Variants in GJC1 observed in about 807,000 individuals in gnomAD.
GJC1 encodes gap junction gamma-1 protein.
In GJC1, 5 loss-of-function variants were observed where a neutral mutation model predicts 29.3. The ratio of observed to expected loss-of-function variants is 0.17; its 90% CI spans 0.09 to 0.36. The LOEUF is 0.36. Ranked by LOEUF, GJC1 falls within the 10% of genes least tolerant of loss-of-function variation. The pLI is 1.00. For synonymous variants in GJC1, 177 were observed against 183.3 expected (o/e 0.97, Z 0.28); for missense variants, 310 against 496.2 (o/e 0.62, Z 3.56).
At chr17:44,798,226 C>G (rs564323941), downstream of GJC1, among the ~76,000 whole-genome samples, 13 of 152,266 alleles carry the variant, frequency 8.5e-5, no homozygotes, top group South Asian at 2.3e-3. Context: ...TCTTTTAAGC[C>G]CAAACCTTTA....
At chr17:44,808,031 A>G (rs2049931594) in intron 1 of GJC1, 1 of 152,266 alleles carries the variant, frequency 6.6e-6, no homozygotes, top group African/African-American at 2.4e-5. Context: ...TCTGTACTGG[A>G]TTAAACAGCA....
intron 1 of GJC1, among the ~76,000 whole-genome samples, chr17:44,811,446 C>T (rs1415014158): frequency 2.7e-5 from 4 of 147,976 alleles, no homozygotes; most frequent in Non-Finnish European, 4.5e-5. Flanking sequence ...TGGAGTGCAG[C>T]GGCACCTGGG....
Position 44,825,265 on chromosome 17 carries a change from C to T in GJC1, c.-97+4797G>A, listed in dbSNP as rs145707964. The stretch of plus-strand genomic sequence containing the variant: ...CTGTAATCCCAGCACTTTGGGAGAC[C>T]GAGGCAGGTGGATCACCTGAGGTCA... On this transcript the variant is annotated intron_variant, in intron 1 of 2. Coordinates refer to ENST00000592524, the MANE Select transcript of GJC1 (RefSeq NM_005497.4). Among the ~76,000 whole-genome samples, 364 of 148,984 alleles carry T rather than the reference C, an allele frequency of 2.4e-3. 1 individual carries two copies. Among genetic ancestry groups the T allele is most frequent in the African/African-American group, 8.4e-3 (335 of 40,056 alleles).
chr17:44,821,719 A>C (rs1167834204), intron 1 of GJC1, among the ~76,000 whole-genome samples: 9 of 143,374 alleles, frequency 6.3e-5, no homozygotes, highest in South Asian at 2.2e-4. Flanking sequence ...AAAAAAAAAA[A>C]AAAAAACAAC....
chr17:44,796,765 T>C (rs977857458), downstream of GJC1, among the ~76,000 whole-genome samples: 9 of 152,206 alleles, frequency 5.9e-5, no homozygotes, highest in African/African-American at 9.6e-5. Flanking sequence ...CCAGAGAACT[T>C]GTTAGTTCTG....
intron 1 of GJC1, among the ~76,000 whole-genome samples, chr17:44,824,414 T>A (rs1307357559): frequency 2.0e-5 from 3 of 152,072 alleles, no homozygotes; most frequent in Non-Finnish European, 4.4e-5. Context: ...TCCTCCTGCC[T>A]CATCCTCCTG....
chr17:44,797,206 C>T (rs965253188), downstream of GJC1, among the ~76,000 whole-genome samples: 3 of 151,774 alleles, frequency 2.0e-5, no homozygotes, highest in Non-Finnish European at 4.4e-5. Flanking sequence ...CCCGGGTTCA[C>T]GCCATTCTCC....
downstream of GJC1, among the ~76,000 whole-genome samples, chr17:44,795,330 T>A (rs1417029182): frequency 6.6e-6 from 1 of 152,012 alleles, no homozygotes; most frequent in African/African-American, 2.4e-5. Context: ...CTGCCCCAGA[T>A]TCAAACAATT....
intron 1 of GJC1, among the ~76,000 whole-genome samples, chr17:44,821,813 T>C (rs576859188): frequency 6.6e-6 from 1 of 151,658 alleles, no homozygotes; most frequent in Admixed American, 6.6e-5. Context: ...GCAACAGTTA[T>C]CAAGAACTTT....
At chr17:44,808,922 A>C (rs2049943111) in intron 1 of GJC1, among the ~76,000 whole-genome samples, 1 of 152,030 alleles carries the variant, frequency 6.6e-6, no homozygotes, top group Non-Finnish European at 1.5e-5. Context: ...TAAAAATACA[A>C]AATTAGCCAG....
At position 44,803,267 on chromosome 17, in the gene GJC1, C is replaced by T. The variant is rs2049873071; in HGVS notation, c.*1360G>A. 6.6e-6 allele frequency: 1 copy of T among 152,206 alleles called. No individual in the cohort carries two copies. The highest frequency in any genetic ancestry group is 2.4e-5 in the African/African-American group (1 of 41,452). 9.4% of individuals were successfully genotyped at this position (152,206 alleles called of 1,614,324 possible). A position where few individuals can be genotyped will look rare whatever the true frequency, so the allele number is the denominator to read the frequency against. Reference sequence around the variant, plus strand: ...AAGTCCCCTTTAAACCTTTACCAAGCTCTTTCTCAGAAGCTCACAAAACTT... The same window carrying T: ...AAGTCCCCTTTAAACCTTTACCAAGTTCTTTCTCAGAAGCTCACAAAACTT... On this transcript the variant is annotated 3_prime_UTR_variant, in exon 3 of 3. Transcript: ENST00000592524.
At chr17:44,809,602 C>G (rs2049950396) in intron 1 of GJC1, among the ~76,000 whole-genome samples, 1 of 148,936 alleles carries the variant, frequency 6.7e-6, no homozygotes, top group Admixed American at 6.7e-5. Context: ...CGGAGTTTCA[C>G]TCTTGTTGTC....
chr17:44,827,031 C>T (rs1321071340), intron 1 of GJC1, among the ~76,000 whole-genome samples: 2 of 152,216 alleles, frequency 1.3e-5, no homozygotes, highest in Admixed American at 6.5e-5. Flanking sequence ...ATAATCTGGT[C>T]GAGTGCGGTG....
intron 1 of GJC1, among the ~76,000 whole-genome samples, chr17:44,816,158 G>C (rs1156288646): frequency 6.7e-6 from 1 of 149,868 alleles, no homozygotes; most frequent in African/African-American, 2.4e-5. Flanking sequence ...TTCTAGAACG[G>C]CTTCTATTTT....
At chr17:44,818,508 TAAA>T (rs11335815) in intron 1 of GJC1, among the ~76,000 whole-genome samples, 15 of 144,170 alleles carry the variant, frequency 1.0e-4, no homozygotes, top group Admixed American at 1.4e-4. Flanking sequence ...AGTCTCATGT[TAAA>T]AAAAAAAAAA....
At chr17:44,807,685 G>A (rs950794400) in intron 1 of GJC1, 1 of 152,142 alleles carries the variant, frequency 6.6e-6, no homozygotes, top group African/African-American at 2.4e-5. Context: ...AGATTCTTAA[G>A]TCACCACAGT....
chr17:44,794,580 G>C (rs2049773259), downstream of GJC1: 1 of 152,226 alleles, frequency 6.6e-6, no homozygotes, highest in African/African-American at 2.4e-5. Context: ...GTGCTTTTCA[G>C]TGTTCCCAGC....
downstream of GJC1, among the ~76,000 whole-genome samples, chr17:44,797,116 T>C (rs2049788666): frequency 6.9e-6 from 1 of 144,604 alleles, no homozygotes; most frequent in South Asian, 2.1e-4. Context: ...TTAATTATTA[T>C]TTTTTTTGAG....
chr17:44,827,395 T>C (rs1446371345), intron 1 of GJC1, among the ~76,000 whole-genome samples: 1 of 152,032 alleles, frequency 6.6e-6, no homozygotes, highest in Non-Finnish European at 1.5e-5. Context: ...TTTTATCAAA[T>C]ATTTTGAACA....
Sources: allele counts gnomAD v4.1 joint callset (sites outside exome capture counted in the v4.1 genomes callset), GRCh38; gene constraint gnomAD v4.1.1; transcripts MANE v1.5; gene names NCBI Gene and HGNC (gene_info 2026-07-23, HGNC 2026-07-21).